The following C18orf32 variants were observed in gnomAD, a reference collection of about 807,000 sequenced individuals.
C18orf32 encodes the protein UPF0729 protein C18orf32.
In C18orf32, 5 loss-of-function variants were observed where a neutral mutation model predicts 7.4. That is an observed-to-expected ratio of 0.68 (90% CI 0.35 to 1.42). The LOEUF (loss-of-function observed/expected upper bound fraction) is 1.42, where lower values mean the gene tolerates loss of function less well. C18orf32 is among the 40% of genes most tolerant of loss of function. The pLI is 0.04. For synonymous variants in C18orf32, 30 were observed against 29.3 expected (o/e 1.02, Z -0.08); for missense variants, 88 against 92.4 (o/e 0.95, Z 0.19).
Position 49,483,791 on chromosome 18 carries a change from A to C in C18orf32, c.-23-20T>G. ...CCTCAACTGTTGATATATGTGAAGA[A>C]AAAAATTAGTTCATCACAGATTAGT... is the stretch of plus-strand genomic sequence containing the variant. On this transcript the variant is annotated intron_variant, in intron 1 of 2. Coordinates refer to ENST00000318240, the MANE Select transcript of C18orf32 (RefSeq NM_001035005.4). The C allele has an allele frequency of 6.3e-7, 1 of 1,583,140 alleles. No individual in the cohort carries two copies.
In C18orf32 at chr18:49,479,566, CT is replaced by C. The variant is rs1411275566; in HGVS notation, c.*2778del. On this transcript the variant is annotated 3_prime_UTR_variant, in exon 3 of 3. Transcript: ENST00000318240. ...GCCAGTAACAGAAATACCACCACCC[CT>C]GGGCCCAAAAGGGCAGGGTGAAGGA... 3 of 152,414 alleles carry C rather than the reference CT, an allele frequency of 2.0e-5. No homozygotes were observed. The highest frequency in any genetic ancestry group is 6.5e-5 in the Admixed American group (1 of 15,284). 9.4% of individuals were successfully genotyped at this position (152,414 alleles called of 1,614,324 possible).
Position 49,482,236 on chromosome 18 carries a change from C to T in C18orf32, c.*109G>A. On this transcript the variant is annotated 3_prime_UTR_variant, in exon 3 of 3. Coordinates refer to ENST00000318240, the MANE Select transcript of C18orf32 (RefSeq NM_001035005.4). ...TAGTATCAGGTAAATATCTAGACTC[C>T]TATCCTGAATTCCGGTCTCAGATAA... The T allele has an allele frequency of 1.3e-6, 1 of 784,834 alleles. No homozygotes were observed. The highest frequency in any genetic ancestry group is 2.2e-6 in the Non-Finnish European group (1 of 445,882). The allele number at this position is 784,834 out of a possible 1,614,324, so 48.6% of individuals were successfully genotyped here.
In C18orf32 at chr18:49,487,045, T is replaced by A; in HGVS notation, c.-26A>T. ...GCGCGCTCGCGGAAGGAAGGTACCCTGAGAGCGAAGGCAGGCACCGCGGAG... is the reference window on the plus strand; with the variant it reads ...GCGCGCTCGCGGAAGGAAGGTACCCAGAGAGCGAAGGCAGGCACCGCGGAG... On this transcript the variant is annotated splice_region_variant and 5_prime_UTR_variant, in exon 1 of 3. Coordinates refer to ENST00000318240, the MANE Select transcript of C18orf32 (RefSeq NM_001035005.4). 1 of 153,368 alleles carries A rather than the reference T, an allele frequency of 6.5e-6. No homozygotes were observed. Among genetic ancestry groups the A allele is most frequent in the East Asian group, 1.9e-4 (1 of 5,160 alleles). 9.5% of individuals were successfully genotyped at this position (153,368 alleles called of 1,614,324 possible).
rs970726002 is a variant in C18orf32 at position 49,480,748 on chromosome 18, G to A, written c.*1597C>T. Reference sequence around the variant, plus strand: ...ATCATGCTGCTGCACTCCAGCTTGAGTGACAGAGTGAGACCCTGTCTCAAA... The same window carrying A: ...ATCATGCTGCTGCACTCCAGCTTGAATGACAGAGTGAGACCCTGTCTCAAA... On this transcript the variant is annotated 3_prime_UTR_variant, in exon 3 of 3. Coordinates refer to ENST00000318240, the MANE Select transcript of C18orf32 (RefSeq NM_001035005.4). 14 of 152,230 alleles carry A rather than the reference G, an allele frequency of 9.2e-5. No individual in the cohort carries two copies. Among genetic ancestry groups the A allele is most frequent in the African/African-American group, 3.4e-4 (14 of 41,454 alleles). The allele number at this position is 152,230 out of a possible 1,614,324, so 9.4% of individuals were successfully genotyped here.
In C18orf32 at chr18:49,483,719, T is replaced by C; in HGVS notation, c.30A>G (p.Pro10=). ...ATTTTTTGTAGATCCAGAGCAGAAC[T>C]GGAATGACGATACAAGGAATGCACA... MVCIPCIVI[P]VLLWIYKKFL... The change falls in exon 2 of 3, where the codon CCA becomes CCG. Residue 10 remains proline (P), a synonymous_variant. Coordinates refer to ENST00000318240, the MANE Select transcript of C18orf32 (RefSeq NM_001035005.4). 6.2e-7 allele frequency: 1 copy of C among 1,612,100 alleles called. No homozygotes were observed. The highest frequency in any genetic ancestry group is 1.1e-5 in the South Asian group (1 of 90,478).
At chr18:49,482,668 G>A (rs1027177328) in intron 2 of C18orf32, among the ~76,000 whole-genome samples, 1 of 151,200 alleles carries the variant, frequency 6.6e-6, no homozygotes, top group African/African-American at 2.4e-5. Flanking sequence ...CGGAAGTTGT[G>A]GTGAGCCAAG....
rs1219314490 is a variant in C18orf32, at chr18:49,477,893, TAC to T, written c.*4450_*4451del. On this transcript the variant is annotated 3_prime_UTR_variant, in exon 3 of 3. Transcript: ENST00000318240. ...ACTATATATATACACTATATATATATACACTATATGTATATACACTATATATA... is the reference window on the plus strand; with the variant it reads ...ACTATATATATACACTATATATATATACTATATGTATATACACTATATATA... 1 of 139,796 alleles carries T rather than the reference TAC, an allele frequency of 7.2e-6. No homozygotes were observed. The highest frequency in any genetic ancestry group is 1.5e-5 in the Non-Finnish European group (1 of 65,702). The allele number at this position is 139,796 out of a possible 1,614,324, so 8.7% of individuals were successfully genotyped here.
chr18:49,483,789 G>A lies in C18orf32; in HGVS notation c.-23-18C>T, dbSNP rs1568495615. 3 of 1,580,104 alleles carry A rather than the reference G, an allele frequency of 1.9e-6. No homozygotes were observed. Among genetic ancestry groups the A allele is most frequent in the Admixed American group, 2.1e-5 (1 of 47,496 alleles). Reference sequence around the variant, plus strand: ...CTCCTCAACTGTTGATATATGTGAAGAAAAAAATTAGTTCATCACAGATTA... The same window carrying A: ...CTCCTCAACTGTTGATATATGTGAAAAAAAAAATTAGTTCATCACAGATTA... On this transcript the variant is annotated intron_variant, in intron 1 of 2. Transcript: ENST00000318240.
At chr18:49,484,187 C>G (rs1345501233) in intron 1 of C18orf32, among the ~76,000 whole-genome samples, 1 of 144,176 alleles carries the variant, frequency 6.9e-6, no homozygotes, top group Non-Finnish European at 1.5e-5. Flanking sequence ...CACACACACA[C>G]ACACACACAC....
intron 1 of C18orf32, chr18:49,486,026 G>A (rs1037441282): frequency 6.7e-6 from 1 of 149,814 alleles, no homozygotes; most frequent in Non-Finnish European, 1.5e-5. Flanking sequence ...AAACTGCCGT[G>A]AGCTATGATG....
At chr18:49,482,597 T>C (rs556774610) in intron 2 of C18orf32, among the ~76,000 whole-genome samples, 187 bp from the exon 3 acceptor site, 34 of 152,032 alleles carry the variant, frequency 2.2e-4, no homozygotes, top group African/African-American at 8.0e-4. Flanking sequence ...TATGGTAGCA[T>C]GTGCCTATAA....
At chr18:49,483,260 TG>T (rs2083687667) in intron 2 of C18orf32, among the ~76,000 whole-genome samples, 1 of 151,636 alleles carries the variant, frequency 6.6e-6, no homozygotes, top group African/African-American at 2.4e-5. Flanking sequence ...TTAAAAAAAT[TG>T]TTTTTTTTTT....
Position 49,479,191 on chromosome 18 carries a change from T to C in C18orf32, c.*3154A>G, listed in dbSNP as rs1008478667. ...ATCATCCCGGGGACACTTTCCAAAA[T>C]TATCCATACTCAACCTCCTAAAAGT... On this transcript the variant is annotated 3_prime_UTR_variant, in exon 3 of 3. Coordinates refer to ENST00000318240, the MANE Select transcript of C18orf32 (RefSeq NM_001035005.4). 2 of 152,288 alleles carry C rather than the reference T, an allele frequency of 1.3e-5. No homozygotes were observed. The highest frequency in any genetic ancestry group is 4.8e-5 in the African/African-American group (2 of 41,556). The allele number at this position is 152,288 out of a possible 1,614,324, so 9.4% of individuals were successfully genotyped here. A position where few individuals can be genotyped will look rare whatever the true frequency, so the allele number is the denominator to read the frequency against.
Position 49,480,586 on chromosome 18 carries a change from G to C in C18orf32, c.*1759C>G, listed in dbSNP as rs1052175154. The stretch of plus-strand genomic sequence containing the variant: ...TCGAGATCAGCCCAGGCAACATGAC[G>C]AAACCCTGTCTCTATAAAAAAAATT... On this transcript the variant is annotated 3_prime_UTR_variant, in exon 3 of 3. Coordinates refer to ENST00000318240, the MANE Select transcript of C18orf32 (RefSeq NM_001035005.4). 1 of 151,982 alleles carries C rather than the reference G, an allele frequency of 6.6e-6. No individual in the cohort carries two copies. Among genetic ancestry groups the C allele is most frequent in the African/African-American group, 2.4e-5 (1 of 41,350 alleles). 9.4% of individuals were successfully genotyped at this position (151,982 alleles called of 1,614,324 possible).
At chr18:49,482,743 A>C (rs1005430701) in intron 2 of C18orf32, among the ~76,000 whole-genome samples, 2 of 151,336 alleles carry the variant, frequency 1.3e-5, no homozygotes, top group East Asian at 1.9e-4. Flanking sequence ...AAAACAAAAA[A>C]AAAAAAAGAA....
rs2083632086 is a variant in C18orf32, at chr18:49,477,884, A to ATATACACACACAC, written c.*4460_*4461insGTGTGTGTGTATA. ...TATATACACACTATATATATACACT[A>ATATACACACACAC]TATATATATACACTATATGTATATA... On this transcript the variant is annotated 3_prime_UTR_variant, in exon 3 of 3. Transcript: ENST00000318240. 2.6e-5 allele frequency: 1 copy of ATATACACACACAC among 39,032 alleles called. No homozygotes were observed. Among genetic ancestry groups the ATATACACACACAC allele is most frequent in the African/African-American group, 1.1e-4 (1 of 8,836 alleles). The allele number at this position is 39,032 out of a possible 1,614,324, so 2.4% of individuals were successfully genotyped here.
Position 49,485,327 on chromosome 18 carries a change from G to A in C18orf32, c.-23-1556C>T, listed in dbSNP as rs372815663. Among the ~76,000 whole-genome samples, 18 of 152,292 alleles carry A rather than the reference G, an allele frequency of 1.2e-4. 1 individual carries two copies. In the East Asian group the frequency reaches 2.3e-3, roughly 20 times the overall value. On this transcript the variant is annotated intron_variant, in intron 1 of 2. Coordinates refer to ENST00000318240, the MANE Select transcript of C18orf32 (RefSeq NM_001035005.4). Reference sequence around the variant, plus strand: ...CCAAGCACCTTGGGAGGCCGAGGGGGTGGATCATCTTAGGTAAGGAGTTCG... The same window carrying A: ...CCAAGCACCTTGGGAGGCCGAGGGGATGGATCATCTTAGGTAAGGAGTTCG...
chr18:49,478,844 T>C lies in C18orf32; in HGVS notation c.*3501A>G, dbSNP rs1468327367. On this transcript the variant is annotated 3_prime_UTR_variant, in exon 3 of 3. Transcript: ENST00000318240. ...AAAATATGAACAAAATAGTGAATTT[T>C]TCATAAAATTAACACTTTTCATACG... 1 of 142,738 alleles carries C rather than the reference T, an allele frequency of 7.0e-6. No individual in the cohort carries two copies. The highest frequency in any genetic ancestry group is 1.5e-5 in the Non-Finnish European group (1 of 67,954). 8.8% of individuals were successfully genotyped at this position (142,738 alleles called of 1,614,324 possible).
At position 49,482,332 on chromosome 18, in the gene C18orf32, T is replaced by C. The variant is rs572230719; in HGVS notation, c.*13A>G. On this transcript the variant is annotated 3_prime_UTR_variant, in exon 3 of 3. Transcript: ENST00000318240. ...CCATTTTTTAAATGATGGGGTCCTT[T>C]AGGAAAATTTCTTTAGTCTTTCTTT... 3.1e-6 allele frequency: 5 copies of C among 1,601,240 alleles called. No homozygotes were observed. In the African/African-American group the frequency reaches 5.4e-5, roughly 17 times the overall value.
Sources: allele counts gnomAD v4.1 joint callset (sites outside exome capture counted in the v4.1 genomes callset), GRCh38; gene constraint gnomAD v4.1.1; transcripts MANE v1.5; gene names NCBI Gene and HGNC (gene_info 2026-07-23, HGNC 2026-07-21).